TMEM74: variants seen among roughly 807,000 people sequenced by gnomAD.
TMEM74 encodes the protein transmembrane protein 74.
Under a neutral mutation model 18.1 loss-of-function variants are expected in TMEM74, and 13 were observed. The ratio of observed to expected loss-of-function variants is 0.72; its 90% CI spans 0.47 to 1.14. TMEM74 has a LOEUF of 1.14. Ranked by LOEUF, TMEM74 falls within the 50% of genes most tolerant of loss-of-function variation. TMEM74 has a pLI of 0.00. For missense variants in TMEM74, 372 were observed against 375.9 expected, an observed-to-expected ratio of 0.99 and a Z score of 0.09; for synonymous variants, 159 against 146.6, an observed-to-expected ratio of 1.08 and a Z score of -0.61.
At chr8:108,766,383 G>C (rs923627294) in intron 1 of TMEM74, among the ~76,000 whole-genome samples, 1 of 152,144 alleles carries the variant, frequency 6.6e-6, no homozygotes, top group African/African-American at 2.4e-5. Flanking sequence ...AATTATTGAA[G>C]TTTCCAAGCC....
chr8:108,733,134 C>T (rs1586277285), intron 1 of TMEM74, among the ~76,000 whole-genome samples: 1 of 152,166 alleles, frequency 6.6e-6, no homozygotes, highest in South Asian at 2.1e-4. Context: ...CCCTATGACC[C>T]AGCAATTATA....
At chr8:108,620,981 T>C (rs905388461) in intron 2 of TMEM74, among the ~76,000 whole-genome samples, 1 of 152,180 alleles carries the variant, frequency 6.6e-6, no homozygotes, top group African/African-American at 2.4e-5. Flanking sequence ...CTCCTGCTGC[T>C]CCCATGATGC....
At chr8:108,673,668 G>A (rs1487085720) in intron 1 of TMEM74, among the ~76,000 whole-genome samples, 1 of 152,168 alleles carries the variant, frequency 6.6e-6, no homozygotes, top group Non-Finnish European at 1.5e-5. Context: ...TGCTTAAAAT[G>A]TACCTAAAGT....
intron 1 of TMEM74, among the ~76,000 whole-genome samples, chr8:108,687,214 A>C (rs920506327): frequency 6.6e-6 from 1 of 152,146 alleles, no homozygotes; most frequent in East Asian, 1.9e-4. Context: ...TTATTTTGAC[A>C]ATGTGGAATG....
At chr8:108,775,105 G>C (rs1373464262), downstream of TMEM74, among the ~76,000 whole-genome samples, 1 of 152,148 alleles carries the variant, frequency 6.6e-6, no homozygotes, top group Non-Finnish European at 1.5e-5. Flanking sequence ...ACAAGGACAT[G>C]ATAACCATAA....
rs1586295428 is a variant in TMEM74 at position 108,779,375 on chromosome 8, A to G, written c.*4806T>C. 6.6e-6 allele frequency among the ~76,000 whole-genome samples: 1 copy of G among 152,272 alleles called. No individual in the cohort carries two copies. The highest frequency in any genetic ancestry group is 1.9e-4 in the East Asian group (1 of 5,174). ...TAGGAAGCCTGAAGATGGCAGTGAA[A>G]AAATAGGGAGAGCTGTTCCTGAAAC... is the stretch of plus-strand genomic sequence containing the variant. On this transcript the variant is annotated 3_prime_UTR_variant, in exon 2 of 2. Coordinates refer to ENST00000297459, the MANE Select transcript of TMEM74 (RefSeq NM_153015.3).
At position 108,780,634 on chromosome 8, in the gene TMEM74, G is replaced by GA. The variant is rs1186665158; in HGVS notation, c.*3546dup. Among the ~76,000 whole-genome samples, 1 of 152,094 alleles carries GA rather than the reference G, an allele frequency of 6.6e-6. No homozygotes were observed. Among genetic ancestry groups the GA allele is most frequent in the Non-Finnish European group, 1.5e-5 (1 of 68,022 alleles). Reference sequence around the variant, plus strand: ...CCCTAAAACAAATAAGTATGAGGGGGATGAACTCATATTTTAAGCAGACAG... The same window carrying GA: ...CCCTAAAACAAATAAGTATGAGGGGGAATGAACTCATATTTTAAGCAGACAG... On this transcript the variant is annotated 3_prime_UTR_variant, in exon 2 of 2. Coordinates refer to ENST00000297459, the MANE Select transcript of TMEM74 (RefSeq NM_153015.3).
intron 1 of TMEM74, among the ~76,000 whole-genome samples, chr8:108,690,592 G>T (rs1813216300): frequency 6.6e-6 from 1 of 152,030 alleles, no homozygotes; most frequent in South Asian, 2.1e-4. Flanking sequence ...GAGGCGGGCA[G>T]ATCACGAGGT....
intron 1 of TMEM74, chr8:108,655,534 C>T (rs1377626259): frequency 1.3e-5 from 2 of 151,972 alleles, no homozygotes; most frequent in African/African-American, 4.8e-5. Context: ...AGAAAGTGAC[C>T]TTGCAAAGCC....
intron 2 of TMEM74, among the ~76,000 whole-genome samples, chr8:108,623,395 G>A (rs1462825155): frequency 6.6e-6 from 1 of 152,074 alleles, no homozygotes; most frequent in Non-Finnish European, 1.5e-5. Context: ...GAAGCTAGTA[G>A]TCTTGAAATG....
At chr8:108,624,647 T>A (rs1812477237) in intron 2 of TMEM74, among the ~76,000 whole-genome samples, 2 of 152,082 alleles carry the variant, frequency 1.3e-5, no homozygotes, top group Non-Finnish European at 2.9e-5. Flanking sequence ...ATTTTATATC[T>A]TTCATTTTTC....
At chr8:108,698,651 T>G (rs948433628) in intron 1 of TMEM74, among the ~76,000 whole-genome samples, 3 of 152,190 alleles carry the variant, frequency 2.0e-5, no homozygotes, top group Non-Finnish European at 4.4e-5. Flanking sequence ...CTCAGAAACA[T>G]CAGTGGAAGT....
chr8:108,687,924 G>A (rs1813187829), intron 1 of TMEM74, among the ~76,000 whole-genome samples: 1 of 152,058 alleles, frequency 6.6e-6, no homozygotes, highest in Non-Finnish European at 1.5e-5. Flanking sequence ...TGGGGGTTAG[G>A]AACCCCTACT....
chr8:108,786,865 C>T (rs144025807), intron 1 of TMEM74, among the ~76,000 whole-genome samples: 23 of 152,182 alleles, frequency 1.5e-4, no homozygotes, highest in African/African-American at 5.3e-4. Flanking sequence ...GAGAGAAATC[C>T]CCACTTAATT....
intron 1 of TMEM74, among the ~76,000 whole-genome samples, chr8:108,701,673 CA>C (rs1485120551): frequency 6.6e-6 from 1 of 151,954 alleles, no homozygotes; most frequent in Non-Finnish European, 1.5e-5. Context: ...AATACTTAGG[CA>C]AAACTGTAAC....
intron 1 of TMEM74, among the ~76,000 whole-genome samples, chr8:108,679,347 A>G (rs1290098201): frequency 6.6e-6 from 1 of 152,202 alleles, no homozygotes; most frequent in Non-Finnish European, 1.5e-5. Context: ...GGGCTGAACT[A>G]GTTTACAGTC....
At chr8:108,661,881 A>C (rs1412891255) in intron 1 of TMEM74, among the ~76,000 whole-genome samples, 1 of 152,176 alleles carries the variant, frequency 6.6e-6, no homozygotes, top group African/African-American at 2.4e-5. Flanking sequence ...AAATTGCAAG[A>C]AATTCTCTAT....
chr8:108,678,922 G>A (rs954581657), intron 1 of TMEM74, among the ~76,000 whole-genome samples: 17 of 100,374 alleles, frequency 1.7e-4, no homozygotes, highest in South Asian at 9.7e-4. Flanking sequence ...AACAGTACCC[G>A]GAGTGTGATG....
chr8:108,729,488 T>C (rs368826358), intron 1 of TMEM74, among the ~76,000 whole-genome samples: 12 of 152,264 alleles, frequency 7.9e-5, no homozygotes, highest in African/African-American at 2.7e-4. Flanking sequence ...TGCCATGTAA[T>C]TTATTCATAA....
Sources: allele counts gnomAD v4.1 joint callset (sites outside exome capture counted in the v4.1 genomes callset), GRCh38; gene constraint gnomAD v4.1.1; transcripts MANE v1.5; gene names NCBI Gene and HGNC (gene_info 2026-07-23, HGNC 2026-07-21).